MSRA: variants seen among roughly 807,000 people sequenced by gnomAD.
The protein encoded by MSRA is mitochondrial peptide methionine sulfoxide reductase.
MSRA carries 54 observed loss-of-function variants against 31.3 expected under a neutral mutation model. The observed-to-expected ratio is 1.73, with a 90% CI of 1.39 to 2.17. The LOEUF is 2.17. MSRA is among the 30% of genes most tolerant of loss of function. The pLI, the probability that MSRA is intolerant of heterozygous loss-of-function variation, is 0.00. For missense variants in MSRA, 507 were observed against 300.9 expected (o/e 1.69, Z -5.07); for synonymous variants, 169 against 116.5 (o/e 1.45, Z -2.90).
chr8:10,285,147 C>T (rs911959767), intron 3 of MSRA, among the ~76,000 whole-genome samples: 1 of 152,096 alleles, frequency 6.6e-6, no homozygotes, highest in Non-Finnish European at 1.5e-5. Context: ...CCACCATCCA[C>T]TCCTCGAGCT....
At chr8:10,091,603 G>A (rs1323794296) in intron 1 of MSRA, among the ~76,000 whole-genome samples, 2 of 151,070 alleles carry the variant, frequency 1.3e-5, no homozygotes, top group South Asian at 4.2e-4. Context: ...TGGATCATAT[G>A]GTAGTTTTTT....
Position 10,132,434 on chromosome 8 carries a change from C to G in MSRA, c.143-75399C>G, listed in dbSNP as rs150009423. On this transcript the variant is annotated intron_variant, in intron 1 of 5. Transcript: ENST00000317173. ...GCAGTTTGGCTGCTATAGCAGCATA[C>G]CGTAGGCTGGGTGGCTTCAACAACA... 2.0e-5 allele frequency among the ~76,000 whole-genome samples: 3 copies of G among 152,262 alleles called. No homozygotes were observed. In the East Asian group the frequency reaches 5.8e-4, roughly 29 times the overall value.
intron 5 of MSRA, among the ~76,000 whole-genome samples, chr8:10,334,827 G>C (rs1802925068): frequency 6.6e-6 from 1 of 152,240 alleles, no homozygotes; most frequent in Admixed American, 6.5e-5. Flanking sequence ...TCCCTCTGGT[G>C]GGACCATTTA....
intron 1 of MSRA, among the ~76,000 whole-genome samples, chr8:10,177,884 A>T (rs1476351270): frequency 6.6e-6 from 1 of 152,196 alleles, no homozygotes; most frequent in African/African-American, 2.4e-5. Context: ...GTAGAGTGGG[A>T]TTTTAGGGAC....
chr8:10,056,161 A>G (rs1023452459), intron 1 of MSRA, among the ~76,000 whole-genome samples: 7 of 144,258 alleles, frequency 4.9e-5, no homozygotes, highest in Non-Finnish European at 6.0e-5. Context: ...CTTCCCGTTC[A>G]CACACTGCCG....
At chr8:10,065,744 C>A (rs552911955) in intron 1 of MSRA, among the ~76,000 whole-genome samples, 1 of 152,100 alleles carries the variant, frequency 6.6e-6, no homozygotes, top group Non-Finnish European at 1.5e-5. Flanking sequence ...CCGCTGTTGC[C>A]GGATGGTTGG....
chr8:10,110,999 T>G (rs1238859194), intron 1 of MSRA, among the ~76,000 whole-genome samples: 1 of 152,204 alleles, frequency 6.6e-6, no homozygotes, highest in East Asian at 1.9e-4. Context: ...TTATGTAGGT[T>G]CTGTCTGACA....
chr8:10,286,158 C>T lies in MSRA; in HGVS notation c.332-15376C>T, dbSNP rs552872652. Among the ~76,000 whole-genome samples, 8 of 152,104 alleles carry T rather than the reference C, an allele frequency of 5.3e-5. No homozygotes were observed. The East Asian group carries it at 9.7e-4, about 18-fold the overall frequency. On this transcript the variant is annotated intron_variant, in intron 3 of 5. Transcript: ENST00000317173. ...GATCTTCTTCCTGTGTTATGGTGCT[C>T]GTCATTTTCAACATCTGAAGCACTC...
chr8:10,318,345 A>G (rs1346156346), intron 4 of MSRA, among the ~76,000 whole-genome samples: 2 of 152,170 alleles, frequency 1.3e-5, no homozygotes, highest in Non-Finnish European at 2.9e-5. Flanking sequence ...GACCTCGCAC[A>G]GGGAAGTACA....
At chr8:10,098,029 T>A (rs948328806) in intron 1 of MSRA, among the ~76,000 whole-genome samples, 2 of 152,050 alleles carry the variant, frequency 1.3e-5, no homozygotes, top group Non-Finnish European at 2.9e-5. Context: ...TTGTGCAAGC[T>A]TTTTTTAAAA....
At chr8:10,342,611 C>T (rs1052899383) in intron 5 of MSRA, among the ~76,000 whole-genome samples, 1 of 152,162 alleles carries the variant, frequency 6.6e-6, no homozygotes. Flanking sequence ...AATCTGAGGC[C>T]GTTGTATCAC....
intron 2 of MSRA, among the ~76,000 whole-genome samples, chr8:10,209,193 T>C (rs1369665886): frequency 6.6e-6 from 1 of 152,260 alleles, no homozygotes; most frequent in Non-Finnish European, 1.5e-5. Flanking sequence ...TTTGATTTGC[T>C]AACTTTCCTG....
At chr8:10,161,316 G>C (rs905586576) in intron 1 of MSRA, among the ~76,000 whole-genome samples, 14 of 152,084 alleles carry the variant, frequency 9.2e-5, no homozygotes, top group African/African-American at 3.4e-4. Context: ...GGCTGTTTTT[G>C]CTGTTTCCTT....
intron 1 of MSRA, among the ~76,000 whole-genome samples, chr8:10,125,010 C>G (rs1055781336): frequency 2.0e-5 from 3 of 152,046 alleles, no homozygotes; most frequent in Non-Finnish European, 2.9e-5. Context: ...AGAATTCAAA[C>G]TAAGGTGCTT....
chr8:10,376,812 G>C (rs893151925), intron 5 of MSRA, among the ~76,000 whole-genome samples: 1 of 152,210 alleles, frequency 6.6e-6, no homozygotes, highest in African/African-American at 2.4e-5. Flanking sequence ...GTTTCATAAA[G>C]AGATTTTCAT....
intron 1 of MSRA, among the ~76,000 whole-genome samples, chr8:10,172,774 T>C (rs908993028): frequency 1.3e-5 from 2 of 152,202 alleles, no homozygotes; most frequent in African/African-American, 4.8e-5. Context: ...TCAGGTTGCC[T>C]GTAGCTCACC....
chr8:10,374,876 C>T (rs957715348), intron 5 of MSRA, among the ~76,000 whole-genome samples: 5 of 152,252 alleles, frequency 3.3e-5, no homozygotes, highest in East Asian at 3.9e-4. Flanking sequence ...GCTGTCCTCA[C>T]GGTAATAAGG....
chr8:10,055,386 A>C (rs561459118), intron 1 of MSRA, among the ~76,000 whole-genome samples: 236 of 152,362 alleles, frequency 1.5e-3, no homozygotes, highest in African/African-American at 5.3e-3. Flanking sequence ...CTGCTATAAA[A>C]GTTTTCAAAA....
At chr8:10,105,114 C>A (rs1453611415) in intron 1 of MSRA, among the ~76,000 whole-genome samples, 1 of 152,086 alleles carries the variant, frequency 6.6e-6, no homozygotes, top group Non-Finnish European at 1.5e-5. Flanking sequence ...GCACAGTATT[C>A]TTTTGAGTTG....
Sources: gnomAD v4.1 joint callset for allele counts (sites outside exome capture counted in the v4.1 genomes callset) on GRCh38, gnomAD v4.1.1 for gene constraint, MANE v1.5 for transcripts, NCBI Gene and HGNC (gene_info 2026-07-23, HGNC 2026-07-21) for gene names.